MAPK10: variants seen among roughly 807,000 people sequenced by gnomAD.
MAPK10 encodes the protein JNK3 alpha protein kinase.
Under a neutral mutation model 59.3 loss-of-function variants are expected in MAPK10, and 25 were observed. The ratio of observed to expected loss-of-function variants is 0.42; its 90% confidence interval spans 0.31 to 0.59. The LOEUF is 0.59. Ranked by LOEUF, MAPK10 falls within the 20% of genes least tolerant of loss-of-function variation. MAPK10 has a pLI of 0.15. For missense variants in MAPK10, 351 were observed against 568.9 expected, an observed-to-expected ratio of 0.62 and a Z score of 3.90; for synonymous variants, 190 against 200.5, an observed-to-expected ratio of 0.95 and a Z score of 0.44.
intron 2 of MAPK10, among the ~76,000 whole-genome samples, chr4:86,321,185 C>T (rs1436395499): frequency 1.3e-5 from 2 of 152,094 alleles, no homozygotes; most frequent in East Asian, 3.9e-4. Context: ...GGCGATTCCT[C>T]AAGGATCTAG....
chr4:86,388,365 T>G (rs1741782852), intron 1 of MAPK10, among the ~76,000 whole-genome samples: 1 of 152,238 alleles, frequency 6.6e-6, no homozygotes, highest in Admixed American at 6.5e-5. Context: ...GAGTAGTAAC[T>G]TATTTCATAT....
At chr4:86,568,962 C>T (rs1252932635) in intron 1 of MAPK10, among the ~76,000 whole-genome samples, 2 of 152,038 alleles carry the variant, frequency 1.3e-5, no homozygotes, top group Non-Finnish European at 2.9e-5. Flanking sequence ...CTTCATTAAA[C>T]TGAAAAGCTT....
At chr4:86,448,545 T>A (rs1488676104) in intron 1 of MAPK10, among the ~76,000 whole-genome samples, 2 of 152,178 alleles carry the variant, frequency 1.3e-5, no homozygotes, top group African/African-American at 4.8e-5. Context: ...ACTTTTTAAA[T>A]GTAGATCTTA....
At chr4:86,274,388 G>C (rs2094514263) in intron 2 of MAPK10, among the ~76,000 whole-genome samples, 1 of 152,028 alleles carries the variant, frequency 6.6e-6, no homozygotes, top group East Asian at 1.9e-4. Flanking sequence ...GTAATTTAAA[G>C]TAATTCTAAT....
At chr4:86,409,756 G>C (rs964596115) in intron 1 of MAPK10, among the ~76,000 whole-genome samples, 1 of 152,080 alleles carries the variant, frequency 6.6e-6, no homozygotes, top group Non-Finnish European at 1.5e-5. Context: ...GATTTTGTAT[G>C]CTGAGACTTT....
At chr4:86,489,767 T>C (rs1754316649) in intron 1 of MAPK10, among the ~76,000 whole-genome samples, 1 of 152,146 alleles carries the variant, frequency 6.6e-6, no homozygotes. Flanking sequence ...TCTCATCTCC[T>C]CTCCTCTAGT....
At chr4:86,170,128 G>A (rs571125866) in intron 3 of MAPK10, among the ~76,000 whole-genome samples, 7 of 151,578 alleles carry the variant, frequency 4.6e-5, no homozygotes, top group South Asian at 4.2e-4. Context: ...AAAGACCATC[G>A]AGACTAGGAA....
At chr4:86,065,959 A>T (rs1454710918) in intron 10 of MAPK10, among the ~76,000 whole-genome samples, 1 of 152,208 alleles carries the variant, frequency 6.6e-6, no homozygotes, top group Non-Finnish European at 1.5e-5. Flanking sequence ...ATCAGGAAAT[A>T]ATATCTAACC....
intron 2 of MAPK10, among the ~76,000 whole-genome samples, chr4:86,221,630 A>T (rs2089627919): frequency 1.3e-5 from 2 of 151,792 alleles, no homozygotes; most frequent in African/African-American, 2.4e-5. Context: ...GGGACTAGAG[A>T]TGCACACCAC....
At chr4:86,032,073 G>C (rs1433944654) in intron 11 of MAPK10, 1 of 152,226 alleles carries the variant, frequency 6.6e-6, no homozygotes, top group Admixed American at 6.5e-5. Flanking sequence ...TGACTGTAGA[G>C]GTAGGTCACC....
At chr4:86,350,127 A>G (rs1730429502) in intron 2 of MAPK10, among the ~76,000 whole-genome samples, 1 of 151,930 alleles carries the variant, frequency 6.6e-6, no homozygotes, top group Admixed American at 6.6e-5. Flanking sequence ...TCTCGATTCA[A>G]TGCAACCTCT....
chr4:86,384,639 G>A (rs1741222179), intron 1 of MAPK10, among the ~76,000 whole-genome samples: 2 of 152,190 alleles, frequency 1.3e-5, no homozygotes, highest in African/African-American at 4.8e-5. Context: ...TTACATTAGA[G>A]GAGGACAGCA....
intron 2 of MAPK10, among the ~76,000 whole-genome samples, chr4:86,281,292 A>C (rs1305905193): frequency 6.6e-6 from 1 of 151,896 alleles, no homozygotes; most frequent in Non-Finnish European, 1.5e-5. Flanking sequence ...TCAGGTTAGG[A>C]GTTTGAGACC....
At chr4:86,376,184 A>G (rs1444831217) in intron 1 of MAPK10, among the ~76,000 whole-genome samples, 1 of 152,200 alleles carries the variant, frequency 6.6e-6, no homozygotes, top group East Asian at 1.9e-4. Flanking sequence ...CTTTGAGTTT[A>G]GTAAGGTACT....
intron 1 of MAPK10, among the ~76,000 whole-genome samples, chr4:86,501,080 T>A (rs1421637495): frequency 6.9e-6 from 1 of 144,320 alleles, no homozygotes; most frequent in Non-Finnish European, 1.5e-5. Context: ...GAATGAAGAT[T>A]TCATTTGCAA....
intron 1 of MAPK10, among the ~76,000 whole-genome samples, chr4:86,473,524 A>G (rs1468291449): frequency 6.6e-6 from 1 of 152,246 alleles, no homozygotes; most frequent in Non-Finnish European, 1.5e-5. Context: ...ATTAGGAAAT[A>G]GTCTCTCTCT....
chr4:86,451,884 G>A (rs769630969), intron 1 of MAPK10, among the ~76,000 whole-genome samples: 4 of 152,266 alleles, frequency 2.6e-5, no homozygotes, highest in East Asian at 1.9e-4. Flanking sequence ...ATACCAGCTC[G>A]GGGGATGACA....
chr4:86,165,543 A>ATTTTTTT (rs10525325), intron 3 of MAPK10, among the ~76,000 whole-genome samples: 7 of 57,298 alleles, frequency 1.2e-4, no homozygotes, highest in East Asian at 5.7e-4. Context: ...CTCCCAGATA[A>ATTTTTTT]TTTTTTTTTT....
intron 2 of MAPK10, among the ~76,000 whole-genome samples, chr4:86,323,327 A>T (rs2095945129): frequency 3.9e-5 from 6 of 152,182 alleles, no homozygotes; most frequent in Admixed American, 2.0e-4. Flanking sequence ...ATGTGGTCAC[A>T]TTTTATTTCT....
Sources: gnomAD v4.1 joint callset for allele counts (sites outside exome capture counted in the v4.1 genomes callset) on GRCh38, gnomAD v4.1.1 for gene constraint, MANE v1.5 for transcripts, NCBI Gene and HGNC (gene_info 2026-07-23, HGNC 2026-07-21) for gene names.